ATRX: variants seen among roughly 807,000 people sequenced by gnomAD.
The protein encoded by ATRX is ATRX chromatin remodeler, also known as chromatin remodeler ATRX.
In ATRX, 12 loss-of-function variants were observed where a neutral mutation model predicts 172.6. That is an observed-to-expected ratio of 0.07 (90% CI 0.04 to 0.11). ATRX has a LOEUF of 0.11. Among genes scored for constraint, ATRX ranks in the 10% least tolerant of loss-of-function variants. The pLI is 1.00. For synonymous variants in ATRX, 674 were observed against 594.7 expected, an observed-to-expected ratio of 1.13 and a Z score of -1.94; for missense variants, 1,368 against 1,767.4, an observed-to-expected ratio of 0.77 and a Z score of 4.05.
chrX:77,738,558 C>CTTTT lies in ATRX; in HGVS notation c.21-21319_21-21316dup, dbSNP rs781834798. Among the ~76,000 whole-genome samples, 89 of 73,527 alleles carry CTTTT rather than the reference C, an allele frequency of 1.2e-3. 2 individuals carry two copies. The highest frequency in any genetic ancestry group is 4.2e-3 in the African/African-American group (80 of 19,131). The allele number at this position is 73,527 out of a possible 115,157, so 63.8% of individuals were successfully genotyped here. A position where few individuals can be genotyped will look rare whatever the true frequency, so the allele number is the denominator to read the frequency against. ...TGTTTTTTTTGTTTCTCTTTTGTGT[C>CTTTT]TTTTTTTTTTTTTTTTTTTTTTGGA... is the stretch of plus-strand genomic sequence containing the variant. On this transcript the variant is annotated intron_variant, in intron 1 of 34. Coordinates refer to ENST00000373344, the MANE Select transcript of ATRX (RefSeq NM_000489.6).
chrX:77,756,350 G>A lies in ATRX; in HGVS notation c.20+29632C>T, dbSNP rs138723641. On this transcript the variant is annotated intron_variant, in intron 1 of 34. Coordinates refer to ENST00000373344, the MANE Select transcript of ATRX (RefSeq NM_000489.6). ...TGGCTTCAGCCCCCTTTCCAGGGGAGTGAATGGGTCTATCTCACTGGGGTT... is the reference window on the plus strand; with the variant it reads ...TGGCTTCAGCCCCCTTTCCAGGGGAATGAATGGGTCTATCTCACTGGGGTT... Among the ~76,000 whole-genome samples the A allele has an allele frequency of 5.4e-3, 592 of 109,829 alleles. 2 individuals are homozygous for A. Among genetic ancestry groups the A allele is most frequent in the Non-Finnish European group, 9.4e-3 (492 of 52,611 alleles).
At chrX:77,650,834 C>T (rs781849109) in intron 15 of ATRX, among the ~76,000 whole-genome samples, 1 of 111,580 alleles carries the variant, frequency 9.0e-6, no homozygotes, top group South Asian at 3.7e-4. Context: ...GTGATCCACC[C>T]GCCTCAGCCT....
chrX:77,551,275 C>T (rs1345438621), intron 30 of ATRX, among the ~76,000 whole-genome samples: 5 of 111,450 alleles, frequency 4.5e-5, no homozygotes, highest in African/African-American at 1.6e-4. Context: ...GAGATATAGA[C>T]CAATGGAACA....
intron 30 of ATRX, among the ~76,000 whole-genome samples, chrX:77,527,602 A>T (rs1557044322): frequency 1.8e-5 from 2 of 111,819 alleles, no homozygotes. Flanking sequence ...GGAGTTCTGC[A>T]TGCTCCTGCC....
intron 28 of ATRX, among the ~76,000 whole-genome samples, chrX:77,567,282 T>C (rs1557065017): frequency 9.0e-6 from 1 of 111,670 alleles, no homozygotes; most frequent in Non-Finnish European, 1.9e-5. Context: ...AAACGGTCTA[T>C]ATACACCATT....
At position 77,523,233 on chromosome X, in the gene ATRX, C is replaced by T; in HGVS notation, c.6849+19G>A. Reference sequence around the variant, plus strand: ...ATCACTAACATAACAAAAACAAAAACACATTTTGCATCAACTACCTTCTTC... The same window carrying T: ...ATCACTAACATAACAAAAACAAAAATACATTTTGCATCAACTACCTTCTTC... On this transcript the variant is annotated intron_variant, in intron 31 of 34. Transcript: ENST00000373344. The T allele has an allele frequency of 8.3e-7, 1 of 1,209,624 alleles. No individual in the cohort carries two copies. The highest frequency in any genetic ancestry group is 1.1e-6 in the Non-Finnish European group (1 of 894,564).
At chrX:77,582,565 T>G (rs181543757) in intron 27 of ATRX, among the ~76,000 whole-genome samples, 344 of 110,660 alleles carry the variant, frequency 3.1e-3, no homozygotes, top group African/African-American at 0.011. Context: ...AAAACAGGTT[T>G]TTTGAAGAAA....
At chrX:77,611,704 T>C (rs1320921639) in intron 22 of ATRX, among the ~76,000 whole-genome samples, 1 of 110,736 alleles carries the variant, frequency 9.0e-6, no homozygotes, top group Non-Finnish European at 1.9e-5. Flanking sequence ...ATATAAAAAA[T>C]GTTTAAATAA....
At chrX:77,785,828 C>A in intron 1 of ATRX, 154 bp downstream of exon 1, 1 of 808,932 alleles carries the variant, frequency 1.2e-6, no homozygotes, top group East Asian at 7.4e-5. Flanking sequence ...GCGCCGATAC[C>A]CCGAAACCCT....
At chrX:77,585,583 CAAAAAAAAAAA>C (rs781792876) in intron 27 of ATRX, among the ~76,000 whole-genome samples, 48 of 8,535 alleles carry the variant, frequency 5.6e-3, no homozygotes, top group East Asian at 0.014. Context: ...CTCCCCCCAC[CAAAAAAAAAAA>C]AAAAAAAAAA....
At chrX:77,581,082 A>G (rs1743454810) in intron 27 of ATRX, among the ~76,000 whole-genome samples, 1 of 111,819 alleles carries the variant, frequency 8.9e-6, no homozygotes, top group Non-Finnish European at 1.9e-5. Flanking sequence ...ACAAACAAAC[A>G]AAAAGGAAGA....
chrX:77,635,707 T>C (rs2148355659), intron 16 of ATRX, among the ~76,000 whole-genome samples: 1 of 112,349 alleles, frequency 8.9e-6, no homozygotes. Flanking sequence ...CTTCTTTCTC[T>C]TTTTATAACG....
At chrX:77,766,766 A>G (rs1289630847) in intron 1 of ATRX, among the ~76,000 whole-genome samples, 2 of 103,237 alleles carry the variant, frequency 1.9e-5, no homozygotes, top group African/African-American at 3.6e-5. Flanking sequence ...GGCTCCTCAC[A>G]TCCCAGACGA....
chrX:77,521,143 G>A, intron 33 of ATRX: 1 of 434,056 alleles, frequency 2.3e-6, no homozygotes, highest in Non-Finnish European at 4.0e-6. Flanking sequence ...TGTACAACTG[G>A]TAATTAAAAT....
intron 34 of ATRX, among the ~76,000 whole-genome samples, chrX:77,514,623 T>A (rs868943446): frequency 2.1e-4 from 24 of 112,299 alleles, no homozygotes; most frequent in African/African-American, 7.1e-4. Context: ...ATGCATTCAA[T>A]ACTTAAATGT....
chrX:77,646,754 C>G (rs1168579209), intron 15 of ATRX, among the ~76,000 whole-genome samples: 1 of 109,700 alleles, frequency 9.1e-6, no homozygotes, highest in Non-Finnish European at 1.9e-5. Flanking sequence ...GACCCTGCCT[C>G]TGTAAAACAG....
intron 15 of ATRX, among the ~76,000 whole-genome samples, chrX:77,642,062 G>C (rs1285481418): frequency 9.0e-6 from 1 of 110,945 alleles, no homozygotes; most frequent in East Asian, 2.8e-4. Flanking sequence ...ATTAGCAATA[G>C]GGCATGCCTC....
At chrX:77,519,066 C>A (rs782348542) in intron 34 of ATRX, among the ~76,000 whole-genome samples, 1 of 111,773 alleles carries the variant, frequency 8.9e-6, no homozygotes, top group African/African-American at 3.2e-5. Context: ...AAACACTGGG[C>A]AAACTGTCCA....
chrX:77,750,326 T>C (rs782025600), intron 1 of ATRX, among the ~76,000 whole-genome samples: 9 of 111,274 alleles, frequency 8.1e-5, no homozygotes, highest in Admixed American at 2.9e-4. Context: ...GGGGAGACTA[T>C]GGTAGTATTA....
Sources: gnomAD v4.1 joint callset for allele counts (sites outside exome capture counted in the v4.1 genomes callset) on GRCh38, gnomAD v4.1.1 for gene constraint, MANE v1.5 for transcripts, NCBI Gene and HGNC (gene_info 2026-07-23, HGNC 2026-07-21) for gene names.